ALMS1: variants seen among roughly 807,000 people sequenced by gnomAD.
ALMS1 encodes the protein ALMS1 centrosome and basal body associated protein, also known as centrosome-associated protein ALMS1.
In ALMS1, 271 loss-of-function variants were observed where a neutral mutation model predicts 352.2. The ratio of observed to expected loss-of-function variants is 0.77; its 90% CI spans 0.70 to 0.85. The LOEUF (loss-of-function observed/expected upper bound fraction) is 0.85. ALMS1 is among the 40% of genes least tolerant of loss of function. The pLI is 0.00. For missense variants in ALMS1, 5,445 were observed against 4,870.7 expected (o/e 1.12, Z -3.51); for synonymous variants, 1,865 against 1,761.2 (o/e 1.06, Z -1.48).
At chr2:73,517,229 T>C (rs1422705657) in intron 10 of ALMS1, among the ~76,000 whole-genome samples, 1 of 149,132 alleles carries the variant, frequency 6.7e-6, no homozygotes, top group Non-Finnish European at 1.5e-5. Context: ...TTCAAGTGAT[T>C]TTTTGAAAGT....
At position 73,602,460 on chromosome 2, in the gene ALMS1, C is replaced by T. The variant is rs1573055830; in HGVS notation, c.12298+92C>T. ...GAGCCCTGCTAAAGGCCAGCCCAGG[C>T]CAGTTACCTGGGCAGACAGTGACCT... On this transcript the variant is annotated intron_variant, in intron 20 of 22. Transcript: ENST00000613296. The T allele has an allele frequency of 1.4e-6, 2 of 1,463,918 alleles. No homozygotes were observed. Among genetic ancestry groups the T allele is most frequent in the East Asian group, 4.7e-5 (2 of 42,912 alleles). 90.7% of individuals were successfully genotyped at this position (1,463,918 alleles called of 1,614,324 possible).
At chr2:73,387,434 G>A (rs567588352) in intron 1 of ALMS1, among the ~76,000 whole-genome samples, 3 of 152,306 alleles carry the variant, frequency 2.0e-5, no homozygotes, top group Middle Eastern at 3.4e-3. Context: ...AGTTGGGAAA[G>A]CCTTCTTGAG....
intron 1 of ALMS1, 21 bp downstream of exon 1, chr2:73,386,213 G>T (rs11126399): frequency 4.7e-6 from 7 of 1,504,694 alleles, no homozygotes; most frequent in Non-Finnish European, 6.2e-6. Flanking sequence ...CCGGGGAGGG[G>T]TGTGGAGCCG....
intron 11 of ALMS1, among the ~76,000 whole-genome samples, chr2:73,522,253 C>T (rs185417834): frequency 6.6e-6 from 1 of 152,320 alleles, no homozygotes; most frequent in African/African-American, 2.4e-5. Flanking sequence ...TGTTAATTTT[C>T]TCCAACCTGT....
intron 11 of ALMS1, among the ~76,000 whole-genome samples, chr2:73,523,664 G>A (rs1049247943): frequency 1.3e-5 from 2 of 152,178 alleles, no homozygotes; most frequent in African/African-American, 4.8e-5. Flanking sequence ...CTACTCGGGA[G>A]GCTGAGGCAG....
intron 22 of ALMS1, 59 bp from the exon 23 acceptor site, chr2:73,609,509 C>T (rs1474822673): frequency 2.0e-6 from 3 of 1,498,496 alleles, no homozygotes; most frequent in South Asian, 1.1e-5. Context: ...GGAGGAGAGG[C>T]ATCTGCCTCT....
chr2:73,436,925 C>A (rs564275817), intron 7 of ALMS1, among the ~76,000 whole-genome samples: 34 of 152,340 alleles, frequency 2.2e-4, no homozygotes, highest in African/African-American at 7.2e-4. Context: ...GAAGGGGTCA[C>A]ACTTTCTTTT....
At chr2:73,585,284 C>T (rs756532627) in intron 16 of ALMS1, among the ~76,000 whole-genome samples, 1 of 151,984 alleles carries the variant, frequency 6.6e-6, no homozygotes, top group Non-Finnish European at 1.5e-5. Flanking sequence ...TCCACACCAA[C>T]ATCTATTTTT....
intron 21 of ALMS1, among the ~76,000 whole-genome samples, chr2:73,607,135 G>T (rs1195361617): frequency 6.6e-6 from 1 of 152,190 alleles, no homozygotes; most frequent in East Asian, 1.9e-4. Context: ...TGGGAATTTT[G>T]CAGAGACCTG....
rs76877791 is a variant in ALMS1, at chr2:73,471,966, G to T, written c.7674+16671G>T. On this transcript the variant is annotated intron_variant, in intron 9 of 22. Transcript: ENST00000613296. ...ACAAGATGTATAAACATCTATAGAT[G>T]AATGGATAAAGAAAATGTGGTATAT... Among the ~76,000 whole-genome samples the T allele has an allele frequency of 4.8e-3, 728 of 152,088 alleles. 4 individuals are homozygous for T. The highest frequency in any genetic ancestry group is 0.017 in the African/African-American group (691 of 41,530).
chr2:73,406,567 A>G (rs777265378), intron 1 of ALMS1, among the ~76,000 whole-genome samples: 4 of 147,980 alleles, frequency 2.7e-5, no homozygotes, highest in Non-Finnish European at 5.9e-5. Context: ...CCTTTTGTGT[A>G]TATTCTGTAG....
Position 73,424,470 on chromosome 2 carries a change from C to T in ALMS1, c.805C>T (p.Arg269Ter), listed in dbSNP as rs1426009756. 3 of 1,601,660 alleles carry T rather than the reference C, an allele frequency of 1.9e-6. No homozygotes were observed. Among genetic ancestry groups the T allele is most frequent in the Non-Finnish European group, 2.6e-6 (3 of 1,175,320 alleles). Reference sequence around the variant, plus strand: ...GTCTGAAGATACTGAATGGTCTTCTCGACCATCGGAAGTTAGTGAAGCTTT... The same window carrying T: ...GTCTGAAGATACTGAATGGTCTTCTTGACCATCGGAAGTTAGTGAAGCTTT... ...DKSEDTEWSS[R>*]PSEVSEALFQ... Residue 269 changes from arginine (R) to a stop codon, truncating the protein, a stop_gained, in exon 5 of 23, where the codon CGA becomes TGA. Coordinates refer to ENST00000613296, the MANE Select transcript of ALMS1 (RefSeq NM_001378454.1). LOFTEE classifies it high-confidence loss of function.
intron 1 of ALMS1, among the ~76,000 whole-genome samples, chr2:73,394,570 G>A (rs976713510): frequency 6.6e-6 from 1 of 151,676 alleles, no homozygotes; most frequent in East Asian, 2.0e-4. Context: ...GGCTGGTCTC[G>A]AACTCCTGAC....
At chr2:73,417,908 G>A (rs139716365) in intron 2 of ALMS1, among the ~76,000 whole-genome samples, 1 of 152,174 alleles carries the variant, frequency 6.6e-6, no homozygotes, top group Non-Finnish European at 1.5e-5. Context: ...TATTTAGTGT[G>A]ATCTGTAGAT....
At chr2:73,601,065 A>G (rs1675674019) in intron 18 of ALMS1, 130 bp from the exon 19 acceptor site, 1 of 1,495,770 alleles carries the variant, frequency 6.7e-7, no homozygotes, top group African/African-American at 1.4e-5. Context: ...ACCAGACTCA[A>G]GGGCACCCTG....
intron 12 of ALMS1, among the ~76,000 whole-genome samples, chr2:73,542,752 C>A (rs921583426): frequency 6.6e-6 from 1 of 152,044 alleles, no homozygotes; most frequent in African/African-American, 2.4e-5. Flanking sequence ...CATGAGTGAA[C>A]TCCCATTCAC....
At chr2:73,520,629 G>C (rs986891083) in intron 11 of ALMS1, among the ~76,000 whole-genome samples, 1 of 152,172 alleles carries the variant, frequency 6.6e-6, no homozygotes, top group Non-Finnish European at 1.5e-5. Context: ...TTACAGGTCA[G>C]GTCTGGAAGT....
chr2:73,397,889 T>C (rs756406455), intron 1 of ALMS1, among the ~76,000 whole-genome samples: 1 of 152,230 alleles, frequency 6.6e-6, no homozygotes, highest in Non-Finnish European at 1.5e-5. Flanking sequence ...GAATCAGAGA[T>C]GTGTCTTTTG....
rs150826345 is a variant in ALMS1, at chr2:73,439,321, C to T, written c.1432+7030C>T. 4.6e-5 allele frequency among the ~76,000 whole-genome samples: 7 copies of T among 151,786 alleles called. No individual in the cohort carries two copies. In the East Asian group the frequency reaches 9.7e-4, roughly 21 times the overall value. ...GTAGAGACAAGGTCTTGCTATGTTG[C>T]CTAGGCTGGTTTTCAGCTCCTGGCC... On this transcript the variant is annotated intron_variant, in intron 7 of 22. Transcript: ENST00000613296.
Sources: allele counts gnomAD v4.1 joint callset (sites outside exome capture counted in the v4.1 genomes callset), GRCh38; gene constraint gnomAD v4.1.1; transcripts MANE v1.5; gene names NCBI Gene and HGNC (gene_info 2026-07-23, HGNC 2026-07-21).